Variants in LNP1 observed in about 807,000 individuals in gnomAD.
LNP1 encodes the protein leukemia NUP98 fusion partner 1.
A neutral mutation model predicts 14.5 loss-of-function variants in LNP1; 12 were observed. That is an observed-to-expected ratio of 0.83 (90% confidence interval 0.53 to 1.34). The LOEUF (loss-of-function observed/expected upper bound fraction) is 1.34. LNP1 is among the 40% of genes most tolerant of loss of function. LNP1 has a pLI of 0.00. For missense variants in LNP1, 198 were observed against 210.9 expected (o/e 0.94, Z 0.38); for synonymous variants, 75 against 71.4 (o/e 1.05, Z -0.26).
rs145266513 is a variant in LNP1 at position 100,441,386 on chromosome 3, C to G, written c.157-10333C>G. Among the ~76,000 whole-genome samples the G allele has an allele frequency of 9.4e-4, 143 of 152,212 alleles. 1 individual carries two copies. Among genetic ancestry groups the G allele is most frequent in the African/African-American group, 3.3e-3 (136 of 41,526 alleles). ...GAGTGAGTCAGAGAAATTGAGAGAG[C>G]AAATGTCATAATTATTTCAAAAAGT... On this transcript the variant is annotated intron_variant, in intron 2 of 3. Transcript: ENST00000383693.
intron 1 of LNP1, among the ~76,000 whole-genome samples, chr3:100,426,098 C>A (rs1707190084): frequency 1.3e-5 from 2 of 152,202 alleles, no homozygotes; most frequent in Non-Finnish European, 2.9e-5. Flanking sequence ...TAGCTTGCAG[C>A]TTTTGACAGG....
In LNP1 at chr3:100,424,840, T is replaced by C. The variant is rs1173229184; in HGVS notation, c.-33-4857T>C. On this transcript the variant is annotated intron_variant, in intron 1 of 3. Transcript: ENST00000383693. ...TGGTCAAGGCATTTTATAGCAAAAT[T>C]ATTAACAGTAGTGTCCCACGACACA... 2.0e-5 allele frequency among the ~76,000 whole-genome samples: 3 copies of C among 152,144 alleles called. No individual in the cohort carries two copies. The East Asian group carries it at 5.8e-4, about 29-fold the overall frequency.
chr3:100,428,925 C>G (rs1271164500), intron 1 of LNP1, among the ~76,000 whole-genome samples: 2 of 152,110 alleles, frequency 1.3e-5, no homozygotes, highest in Admixed American at 6.5e-5. Flanking sequence ...TATGGTGACA[C>G]AGATCATTAA....
At chr3:100,408,802 G>A (rs1161171700) in intron 1 of LNP1, among the ~76,000 whole-genome samples, 2 of 152,090 alleles carry the variant, frequency 1.3e-5, no homozygotes, top group East Asian at 3.8e-4. Context: ...TTTCCGGGCT[G>A]TGCTGCCTGG....
chr3:100,429,296 G>T (rs1210266613), intron 1 of LNP1, among the ~76,000 whole-genome samples: 1 of 152,124 alleles, frequency 6.6e-6, no homozygotes, highest in Non-Finnish European at 1.5e-5. Context: ...CCATTTCAGA[G>T]CTTGCCTGGA....
chr3:100,416,599 TTGTGTGTGTGTGTGTGTGTGTGTG>T (rs769199967), intron 1 of LNP1, among the ~76,000 whole-genome samples: 2 of 94,620 alleles, frequency 2.1e-5, no homozygotes, highest in Admixed American at 9.4e-5. Flanking sequence ...TATATCTTTT[TTGTGTGTGTGTGTGTGTGTGTGTG>T]TGTGTGTGTG....
rs540425880 is a variant in LNP1 at position 100,438,682 on chromosome 3, C to A, written c.156+8797C>A. Among the ~76,000 whole-genome samples the A allele has an allele frequency of 2.6e-5, 4 of 152,234 alleles. No homozygotes were observed. In the South Asian group the frequency reaches 8.3e-4, roughly 32 times the overall value. ...ATTTTCTTTGACAGAGATTGTTGTT[C>A]TAGGTCCACAGGGGAAAGAGTCATG... is the stretch of plus-strand genomic sequence containing the variant. On this transcript the variant is annotated intron_variant, in intron 2 of 3. Transcript: ENST00000383693.
intron 3 of LNP1, among the ~76,000 whole-genome samples, chr3:100,453,012 G>C (rs900761445): frequency 1.3e-5 from 2 of 152,130 alleles, no homozygotes; most frequent in Non-Finnish European, 2.9e-5. Flanking sequence ...ACAAATAATT[G>C]CACCTAAGTG....
At chr3:100,403,092 T>C (rs1054982992) in intron 1 of LNP1, among the ~76,000 whole-genome samples, 1 of 152,216 alleles carries the variant, frequency 6.6e-6, no homozygotes, top group African/African-American at 2.4e-5. Context: ...TAGAGCCAAA[T>C]AGAGTGTCGC....
intron 1 of LNP1, among the ~76,000 whole-genome samples, chr3:100,418,295 T>TG (rs1161558769): frequency 1.3e-5 from 2 of 151,722 alleles, no homozygotes; most frequent in Non-Finnish European, 2.9e-5. Context: ...TGACCCCAAG[T>TG]GATCCAACTG....
intron 2 of LNP1, among the ~76,000 whole-genome samples, chr3:100,436,201 G>A (rs575918796): frequency 6.6e-6 from 1 of 152,258 alleles, no homozygotes; most frequent in South Asian, 2.1e-4. Context: ...ATGGCCTTAG[G>A]TCCTGTTTAT....
intron 1 of LNP1, among the ~76,000 whole-genome samples, chr3:100,422,045 G>A (rs778025126): frequency 5.3e-5 from 8 of 152,070 alleles, no homozygotes; most frequent in Non-Finnish European, 1.0e-4. Context: ...TTCTTGTTTG[G>A]ATCACTTCTT....
intron 1 of LNP1, among the ~76,000 whole-genome samples, chr3:100,406,463 G>T (rs78346902): frequency 0.014 from 2,146 of 152,256 alleles, 24 homozygotes; most frequent in Middle Eastern, 0.024. Context: ...CTGGGCCATG[G>T]GATACCCAGA....
At chr3:100,447,758 G>A (rs1217178101) in intron 2 of LNP1, among the ~76,000 whole-genome samples, 3 of 152,028 alleles carry the variant, frequency 2.0e-5, no homozygotes, top group African/African-American at 7.2e-5. Flanking sequence ...TCTTTCTCCT[G>A]TGAAATTATT....
At chr3:100,429,458 G>T (rs1197448793) in intron 1 of LNP1, among the ~76,000 whole-genome samples, 1 of 152,220 alleles carries the variant, frequency 6.6e-6, no homozygotes, top group Non-Finnish European at 1.5e-5. Flanking sequence ...GCAATGGAAG[G>T]ATTAGAAAGC....
intron 2 of LNP1, among the ~76,000 whole-genome samples, chr3:100,434,831 CTT>C (rs57009371): frequency 3.1e-3 from 434 of 140,284 alleles, no homozygotes; most frequent in Middle Eastern, 3.8e-3. Flanking sequence ...ACCCGGCTGT[CTT>C]TTTTTTTTTT....
intron 2 of LNP1, among the ~76,000 whole-genome samples, chr3:100,442,966 AAAC>A (rs1420237020): frequency 6.6e-6 from 1 of 152,176 alleles, no homozygotes; most frequent in Non-Finnish European, 1.5e-5. Context: ...GAAGGAAGAA[AAAC>A]AACAACAAAC....
At chr3:100,403,429 A>T (rs537859794) in intron 1 of LNP1, among the ~76,000 whole-genome samples, 38 of 151,976 alleles carry the variant, frequency 2.5e-4, no homozygotes, top group African/African-American at 8.7e-4. Flanking sequence ...AGGCAGTTAA[A>T]TGAGATAGTC....
intron 1 of LNP1, among the ~76,000 whole-genome samples, chr3:100,425,992 A>G (rs1707188882): frequency 1.3e-5 from 2 of 152,204 alleles, no homozygotes; most frequent in Non-Finnish European, 2.9e-5. Flanking sequence ...CAAGCTGAAC[A>G]CAAATTAATA....
Sources: gnomAD v4.1 joint callset for allele counts (sites outside exome capture counted in the v4.1 genomes callset) on GRCh38, gnomAD v4.1.1 for gene constraint, MANE v1.5 for transcripts, NCBI Gene and HGNC (gene_info 2026-07-23, HGNC 2026-07-21) for gene names.